CRADD: variants seen among roughly 807,000 people sequenced by gnomAD.
CRADD encodes the protein CARD and death domain containing adaptor protein.
CRADD carries 9 observed loss-of-function variants against 15.5 expected under a neutral mutation model. The ratio of observed to expected loss-of-function variants is 0.58; its 90% CI spans 0.35 to 1.01. The LOEUF (loss-of-function observed/expected upper bound fraction) is 1.01. Among genes scored for constraint, CRADD ranks in the 50% least tolerant of loss-of-function variants. The pLI is 0.02. For missense variants in CRADD, 227 were observed against 250.3 expected (o/e 0.91, Z 0.63); for synonymous variants, 118 against 107.6 (o/e 1.10, Z -0.60).
At chr12:93,738,831 G>C (rs1294885961) in intron 2 of CRADD, among the ~76,000 whole-genome samples, 1 of 129,438 alleles carries the variant, frequency 7.7e-6, no homozygotes, top group Admixed American at 7.8e-5. Context: ...GAGAAAGAAA[G>C]AAGGAAAGAG....
At chr12:93,807,139 C>T (rs899856201) in intron 2 of CRADD, among the ~76,000 whole-genome samples, 2 of 152,036 alleles carry the variant, frequency 1.3e-5, no homozygotes, top group African/African-American at 4.8e-5. Context: ...TTGTTGATGC[C>T]CAAAGGCTCT....
intron 2 of CRADD, among the ~76,000 whole-genome samples, chr12:93,758,657 T>TAA (rs1956917296): frequency 6.6e-6 from 1 of 152,258 alleles, no homozygotes; most frequent in South Asian, 2.1e-4. Context: ...TGGAAGGTTT[T>TAA]ATGTTTGGTG....
intron 2 of CRADD, among the ~76,000 whole-genome samples, chr12:93,693,637 T>C (rs1186871931): frequency 6.6e-6 from 1 of 151,974 alleles, no homozygotes; most frequent in East Asian, 1.9e-4. Context: ...GACTAGAATA[T>C]AGTAATAGTA....
chr12:93,833,661 A>G lies in CRADD; in HGVS notation c.299-16309A>G, dbSNP rs188982095. ...CTATACACACTAATTTTTAAATGTA[A>G]AAACCATTACACTTAATTTTACCTG... On this transcript the variant is annotated intron_variant, in intron 2 of 2. Coordinates refer to ENST00000332896, the MANE Select transcript of CRADD (RefSeq NM_003805.5). Among the ~76,000 whole-genome samples, 53 of 152,324 alleles carry G rather than the reference A, an allele frequency of 3.5e-4. No individual in the cohort carries two copies. The East Asian group carries it at 6.9e-3, about 20-fold the overall frequency.
intron 2 of CRADD, among the ~76,000 whole-genome samples, chr12:93,875,413 T>C (rs1374975785): frequency 6.6e-6 from 1 of 152,070 alleles, no homozygotes; most frequent in South Asian, 2.1e-4. Context: ...TTATTATTGA[T>C]AAATAAAGAC....
At chr12:93,777,490 C>T (rs953826442) in intron 2 of CRADD, among the ~76,000 whole-genome samples, 7 of 152,168 alleles carry the variant, frequency 4.6e-5, no homozygotes, top group Non-Finnish European at 8.8e-5. Flanking sequence ...AAGCTGAGCT[C>T]AGCTGCTGAG....
intron 2 of CRADD, among the ~76,000 whole-genome samples, chr12:93,795,492 C>CTCAGAAAGG (rs1325216101): frequency 1.3e-5 from 2 of 152,216 alleles, no homozygotes; most frequent in Non-Finnish European, 2.9e-5. Flanking sequence ...AGGAATATTT[C>CTCAGAAAGG]ATGGCTGCTC....
chr12:93,849,910 C>T, intron 2 of CRADD, 60 bp from the exon 3 acceptor site: 2 of 970,756 alleles, frequency 2.1e-6, no homozygotes, highest in South Asian at 1.3e-5. Flanking sequence ...CTCATTTCTG[C>T]CCCCAAATGA....
At chr12:93,713,558 TA>T (rs1389584590) in intron 2 of CRADD, among the ~76,000 whole-genome samples, 1 of 152,222 alleles carries the variant, frequency 6.6e-6, no homozygotes, top group Non-Finnish European at 1.5e-5. Context: ...GGATAATTTA[TA>T]ATACCTAATA....
At chr12:93,781,692 A>G (rs1460309089) in intron 2 of CRADD, among the ~76,000 whole-genome samples, 1 of 152,240 alleles carries the variant, frequency 6.6e-6, no homozygotes, top group African/African-American at 2.4e-5. Context: ...ACGAGGCTGA[A>G]CCAGAAGCTC....
At chr12:93,767,974 A>C (rs1366023905) in intron 2 of CRADD, among the ~76,000 whole-genome samples, 1 of 152,226 alleles carries the variant, frequency 6.6e-6, no homozygotes, top group African/African-American at 2.4e-5. Context: ...AGAATTAAGT[A>C]TATACATTGG....
intron 2 of CRADD, among the ~76,000 whole-genome samples, chr12:93,740,419 A>AT (rs1363070458): frequency 6.6e-6 from 1 of 152,052 alleles, no homozygotes; most frequent in African/African-American, 2.4e-5. Context: ...AGCCATCTAC[A>AT]TTTTTTCTAT....
chr12:93,862,163 C>A (rs923914121), intron 2 of CRADD, among the ~76,000 whole-genome samples: 2 of 152,172 alleles, frequency 1.3e-5, no homozygotes, highest in African/African-American at 4.8e-5. Context: ...CACAGAGAAT[C>A]TAAGTGGTCT....
At chr12:93,711,024 G>GCCCCCCCCCCCC (rs1222939197) in intron 2 of CRADD, among the ~76,000 whole-genome samples, 1 of 108,454 alleles carries the variant, frequency 9.2e-6, no homozygotes, top group African/African-American at 3.6e-5. Flanking sequence ...TTGATTGACT[G>GCCCCCCCCCCCC]CCCCCCTCCA....
rs200433223 is a variant in CRADD, at chr12:93,699,128, CCTAA to C, written c.298+20059_298+20062del. ...TTTATTTGCCTTTCTTTACTTGGTG[CCTAA>C]CTGAGTGCTGGATTAAAGCAAATGC... On this transcript the variant is annotated intron_variant, in intron 2 of 2. Transcript: ENST00000332896. Among the ~76,000 whole-genome samples the C allele has an allele frequency of 4.4e-4, 67 of 152,242 alleles. No homozygotes were observed. In the East Asian group the frequency reaches 0.011, roughly 25 times the overall value.
intron 2 of CRADD, among the ~76,000 whole-genome samples, chr12:93,768,311 A>G (rs1228088360): frequency 6.6e-6 from 1 of 152,248 alleles, no homozygotes; most frequent in Non-Finnish European, 1.5e-5. Flanking sequence ...TTCAACATTC[A>G]TATTGCTTCA....
At chr12:93,735,287 G>A (rs562150564) in intron 2 of CRADD, among the ~76,000 whole-genome samples, 7 of 152,186 alleles carry the variant, frequency 4.6e-5, no homozygotes, top group African/African-American at 1.4e-4. Context: ...CAGGTTTCTT[G>A]TGTTTTACTA....
chr12:93,876,953 G>A (rs1308826130), intron 2 of CRADD, among the ~76,000 whole-genome samples: 1 of 152,064 alleles, frequency 6.6e-6, no homozygotes, highest in Non-Finnish European at 1.5e-5. Flanking sequence ...ATTTGTAGCT[G>A]TCCTTCTTGG....
At chr12:93,716,684 C>G (rs1313251566) in intron 2 of CRADD, among the ~76,000 whole-genome samples, 1 of 152,152 alleles carries the variant, frequency 6.6e-6, no homozygotes, top group Non-Finnish European at 1.5e-5. Context: ...TGAAGTTCCC[C>G]CCATGTTTTT....
Sources: gnomAD v4.1 joint callset for allele counts (sites outside exome capture counted in the v4.1 genomes callset) on GRCh38, gnomAD v4.1.1 for gene constraint, MANE v1.5 for transcripts, NCBI Gene and HGNC (gene_info 2026-07-23, HGNC 2026-07-21) for gene names.